Variants in GIGYF2 observed in about 807,000 individuals in gnomAD.
The protein encoded by GIGYF2 is GRB10-interacting GYF protein 2.
In GIGYF2, 25 loss-of-function variants were observed where a neutral mutation model predicts 208.1. That is an observed-to-expected ratio of 0.12 (90% CI 0.09 to 0.17). The LOEUF is 0.17. GIGYF2 is among the 10% of genes least tolerant of loss of function. GIGYF2 has a pLI of 1.00. For synonymous variants in GIGYF2, 534 were observed against 543.8 expected, an observed-to-expected ratio of 0.98 and a Z score of 0.25; for missense variants, 1,302 against 1,579.4, an observed-to-expected ratio of 0.82 and a Z score of 2.98.
intron 8 of GIGYF2, chr2:232,764,538 A>G (rs2106329550): frequency 6.6e-6 from 1 of 152,498 alleles, no homozygotes. Context: ...GATTGTGGAC[A>G]GGGCAGAGTG....
chr2:232,707,322 A>G (rs1559372378), intron 2 of GIGYF2, among the ~76,000 whole-genome samples: 1 of 152,200 alleles, frequency 6.6e-6, no homozygotes, highest in Non-Finnish European at 1.5e-5. Flanking sequence ...CAGACTGACA[A>G]GGAATTGGCA....
Position 232,749,167 on chromosome 2 carries a change from A to G in GIGYF2, c.267+85A>G, listed in dbSNP as rs1574834385. ...ATAGGAAGTTACTATTTATGCTCTA[A>G]GGATTATCCTGCATCCTCATAGGTC... On this transcript the variant is annotated intron_variant, in intron 5 of 28. Coordinates refer to ENST00000373563, the MANE Select transcript of GIGYF2 (RefSeq NM_001103146.3). 16 of 788,642 alleles carry G rather than the reference A, an allele frequency of 2.0e-5. No individual in the cohort carries two copies. The East Asian group carries it at 3.9e-4, about 19-fold the overall frequency. 48.9% of individuals were successfully genotyped at this position (788,642 alleles called of 1,614,324 possible).
intron 2 of GIGYF2, among the ~76,000 whole-genome samples, chr2:232,734,031 AT>A (rs1697621253): frequency 6.6e-6 from 1 of 151,546 alleles, no homozygotes. Context: ...CACTTGTGAA[AT>A]TCATTAGTTT....
chr2:232,816,418 C>A (rs1040427840), intron 19 of GIGYF2, among the ~76,000 whole-genome samples: 1 of 152,096 alleles, frequency 6.6e-6, no homozygotes, highest in East Asian at 1.9e-4. Flanking sequence ...GCTGTTAAAA[C>A]GTTATAGCCA....
intron 22 of GIGYF2, among the ~76,000 whole-genome samples, chr2:232,837,748 T>G (rs1701685106): frequency 6.6e-6 from 1 of 152,198 alleles, no homozygotes; most frequent in Admixed American, 6.5e-5. Context: ...TGTGGGGCCC[T>G]GCTGCCAGCC....
chr2:232,842,928 T>G (rs1395080205), intron 23 of GIGYF2: 1 of 152,200 alleles, frequency 6.6e-6, no homozygotes, highest in Non-Finnish European at 1.5e-5. Flanking sequence ...TCTTACTGCT[T>G]CTTTTTACAG....
intron 20 of GIGYF2, among the ~76,000 whole-genome samples, chr2:232,818,605 T>C (rs1700983631): frequency 6.6e-6 from 1 of 152,140 alleles, no homozygotes. Flanking sequence ...GATTTATTTC[T>C]GGGGTTTGTA....
chr2:232,697,646 G>A (rs982099947), intron 1 of GIGYF2, among the ~76,000 whole-genome samples: 1 of 152,246 alleles, frequency 6.6e-6, no homozygotes, highest in African/African-American at 2.4e-5. Context: ...GCGCGTCACG[G>A]CCGCGAGGAG....
intron 8 of GIGYF2, among the ~76,000 whole-genome samples, chr2:232,780,945 A>T (rs917627066): frequency 4.6e-5 from 7 of 151,936 alleles, no homozygotes; most frequent in African/African-American, 1.7e-4. Context: ...TTTATTATTT[A>T]TTTATGTTTA....
At chr2:232,834,816 T>C (rs896032395) in intron 22 of GIGYF2, among the ~76,000 whole-genome samples, 2 of 145,244 alleles carry the variant, frequency 1.4e-5, no homozygotes, top group Non-Finnish European at 3.0e-5. Context: ...AGATACACTA[T>C]AGTGTACCTC....
chr2:232,789,950 T>C (rs1046740730), intron 9 of GIGYF2, among the ~76,000 whole-genome samples: 1 of 151,944 alleles, frequency 6.6e-6, no homozygotes, highest in Non-Finnish European at 1.5e-5. Flanking sequence ...ATAGGGAGAA[T>C]TAAGAGATGA....
intron 1 of GIGYF2, among the ~76,000 whole-genome samples, chr2:232,701,252 C>T (rs1695826661): frequency 1.3e-5 from 2 of 151,748 alleles, no homozygotes; most frequent in African/African-American, 4.8e-5. Flanking sequence ...TATGGGGTTT[C>T]ATTAAGCTTA....
chr2:232,823,714 A>G (rs1480701595), intron 21 of GIGYF2, among the ~76,000 whole-genome samples: 1 of 152,196 alleles, frequency 6.6e-6, no homozygotes, highest in Non-Finnish European at 1.5e-5. Context: ...CTGGCCTCTT[A>G]AATTGGAATG....
At chr2:232,729,482 C>T in intron 2 of GIGYF2, 6 of 1,022,816 alleles carry the variant, frequency 5.9e-6, no homozygotes, top group Admixed American at 6.0e-5. Flanking sequence ...TTTAATTAAC[C>T]TCTCAAGCTT....
At chr2:232,754,897 A>T (rs1006168279) in intron 5 of GIGYF2, among the ~76,000 whole-genome samples, 17 of 152,204 alleles carry the variant, frequency 1.1e-4, no homozygotes, top group Admixed American at 7.8e-4. Flanking sequence ...AAAAAAAAAA[A>T]AATCTTATTT....
intron 13 of GIGYF2, 151 bp from the exon 14 acceptor site, chr2:232,795,911 G>C: frequency 1.5e-6 from 1 of 668,910 alleles, no homozygotes; most frequent in African/African-American, 1.8e-5. Context: ...CTGTTTCATG[G>C]CATTGTTGGG....
chr2:232,709,471 G>A (rs746438312), intron 2 of GIGYF2, among the ~76,000 whole-genome samples: 1 of 152,172 alleles, frequency 6.6e-6, no homozygotes, highest in African/African-American at 2.4e-5. Flanking sequence ...CTATACGCGC[G>A]GCCCATCACA....
intron 21 of GIGYF2, among the ~76,000 whole-genome samples, chr2:232,826,072 T>C (rs574078275): frequency 6.6e-6 from 1 of 152,296 alleles, no homozygotes; most frequent in Non-Finnish European, 1.5e-5. Flanking sequence ...CCATGGTGTA[T>C]ATGTGCCACA....
chr2:232,758,672 GA>G (rs1559408330), intron 6 of GIGYF2, among the ~76,000 whole-genome samples: 1 of 152,152 alleles, frequency 6.6e-6, no homozygotes, highest in African/African-American at 2.4e-5. Flanking sequence ...TTATAACTGA[GA>G]AAATATTTTA....
Sources: allele counts gnomAD v4.1 joint callset (sites outside exome capture counted in the v4.1 genomes callset), GRCh38; gene constraint gnomAD v4.1.1; transcripts MANE v1.5; gene names NCBI Gene and HGNC (gene_info 2026-07-23, HGNC 2026-07-21).